SLC14A2: variants seen among roughly 807,000 people sequenced by gnomAD.
SLC14A2 encodes the protein solute carrier family 14 member 2.
In SLC14A2, 91 loss-of-function variants were observed where a neutral mutation model predicts 104.6. The ratio of observed to expected loss-of-function variants is 0.87; its 90% CI spans 0.73 to 1.04. SLC14A2 has a LOEUF of 1.04. Among genes scored for constraint, SLC14A2 ranks in the 50% least tolerant of loss-of-function variants. The probability of loss-of-function intolerance (pLI) is 0.00; values close to 1 mark genes in which losing one functional copy is unlikely to be tolerated. For missense variants in SLC14A2, 1,189 were observed against 1,156.0 expected (o/e 1.03, Z -0.41); for synonymous variants, 476 against 466.4 (o/e 1.02, Z -0.27).
chr18:45,255,096 T>C (rs377059448), intron 1 of SLC14A2, among the ~76,000 whole-genome samples: 1 of 152,174 alleles, frequency 6.6e-6, no homozygotes, highest in East Asian at 1.9e-4. Context: ...TTCCATTTCC[T>C]GCTTCTTTCC....
intron 2 of SLC14A2, among the ~76,000 whole-genome samples, chr18:45,586,356 G>GGAGGA (rs1330723284): frequency 1.3e-5 from 2 of 152,168 alleles, no homozygotes; most frequent in Non-Finnish European, 2.9e-5. Flanking sequence ...GAGGAGTGGG[G>GGAGGA]GAGGAGAGGA....
chr18:45,205,086 C>T, the SLC14A2 span, among the ~76,000 whole-genome samples: 1 of 152,170 alleles, frequency 6.6e-6, no homozygotes, highest in African/African-American at 2.4e-5. Context: ...TTGGAGCTTC[C>T]ACTTGGTGCT....
intron 1 of SLC14A2, among the ~76,000 whole-genome samples, chr18:45,249,167 G>T (rs939474651): frequency 1.3e-5 from 2 of 152,010 alleles, no homozygotes; most frequent in African/African-American, 4.8e-5. Context: ...ATTTATAAGC[G>T]TGTTTGCCTC....
intron 2 of SLC14A2, among the ~76,000 whole-genome samples, chr18:45,581,612 A>G (rs140873063): frequency 6.6e-5 from 10 of 152,304 alleles, no homozygotes; most frequent in African/African-American, 9.6e-5. Flanking sequence ...TAAGTGGTGT[A>G]TCTCCTCCGA....
chr18:45,569,969 C>G (rs988580525), intron 2 of SLC14A2, among the ~76,000 whole-genome samples: 5 of 152,200 alleles, frequency 3.3e-5, no homozygotes, highest in African/African-American at 9.7e-5. Flanking sequence ...TCCCTTGACT[C>G]TCATCATTGT....
chr18:45,472,731 T>C (rs974889295), intron 1 of SLC14A2, among the ~76,000 whole-genome samples: 1 of 152,222 alleles, frequency 6.6e-6, no homozygotes, highest in African/African-American at 2.4e-5. Flanking sequence ...TTGTGTGTTT[T>C]TTTCTTCTTA....
At chr18:45,180,757 T>C in the SLC14A2 span, among the ~76,000 whole-genome samples, 1 of 152,158 alleles carries the variant, frequency 6.6e-6, no homozygotes, top group African/African-American at 2.4e-5. Context: ...CTTAGTGAAA[T>C]GATATTTTTG....
intron 1 of SLC14A2, among the ~76,000 whole-genome samples, chr18:45,214,914 T>TAAAAAAAAAAAA (rs11332986): frequency 2.6e-5 from 3 of 113,900 alleles, no homozygotes; most frequent in Non-Finnish European, 3.6e-5. Context: ...ACCATGTCTT[T>TAAAAAAAAAAAA]AAAAAAAAAA....
At chr18:45,467,999 A>G (rs1164348834) in intron 1 of SLC14A2, among the ~76,000 whole-genome samples, 2 of 152,114 alleles carry the variant, frequency 1.3e-5, no homozygotes, top group African/African-American at 2.4e-5. Context: ...CTGTATTCCC[A>G]GAGAATCAAG....
At chr18:45,651,694 G>A (rs945859999) in intron 10 of SLC14A2, among the ~76,000 whole-genome samples, 2 of 152,114 alleles carry the variant, frequency 1.3e-5, no homozygotes, top group South Asian at 2.1e-4. Context: ...AATTCCCAAC[G>A]TTCTGTGATT....
At chr18:45,628,764 T>G (rs1463546069) in intron 4 of SLC14A2, among the ~76,000 whole-genome samples, 2 of 152,168 alleles carry the variant, frequency 1.3e-5, no homozygotes, top group Non-Finnish European at 2.9e-5. Context: ...AATTTTTGTT[T>G]CATTTATGTT....
chr18:45,601,804 G>C (rs1319859070), intron 2 of SLC14A2, among the ~76,000 whole-genome samples: 1 of 152,214 alleles, frequency 6.6e-6, no homozygotes, highest in Non-Finnish European at 1.5e-5. Context: ...CAACACCATG[G>C]TGATCCTCAA....
intron 1 of SLC14A2, among the ~76,000 whole-genome samples, chr18:45,297,444 T>C (rs990830590): frequency 1.3e-5 from 2 of 152,206 alleles, no homozygotes; most frequent in African/African-American, 4.8e-5. Context: ...TAAGAACTAA[T>C]GCAGATGAGA....
chr18:45,307,888 G>A (rs2085039728), intron 1 of SLC14A2, among the ~76,000 whole-genome samples: 1 of 152,210 alleles, frequency 6.6e-6, no homozygotes. Context: ...CTGGCTTATG[G>A]TTCTGCAAGC....
intron 1 of SLC14A2, among the ~76,000 whole-genome samples, chr18:45,426,038 T>A (rs547121982): frequency 5.9e-5 from 9 of 152,152 alleles, no homozygotes; most frequent in Admixed American, 5.2e-4. Flanking sequence ...AGAGAGCAAG[T>A]CCCTGGGAGC....
intron 8 of SLC14A2, among the ~76,000 whole-genome samples, chr18:45,641,720 C>T (rs2045531551): frequency 6.6e-6 from 1 of 152,176 alleles, no homozygotes; most frequent in Non-Finnish European, 1.5e-5. Context: ...TGACTACATC[C>T]TCATGAAGCC....
In SLC14A2 at chr18:45,667,105, A is replaced by G. The variant is rs377203408; in HGVS notation, c.1717+11A>G. The G allele has an allele frequency of 5.0e-6, 8 of 1,610,470 alleles. No homozygotes were observed. The highest frequency in any genetic ancestry group is 6.8e-6 in the Non-Finnish European group (8 of 1,178,058). On this transcript the variant is annotated intron_variant, in intron 13 of 19. Coordinates refer to ENST00000255226, the MANE Select transcript of SLC14A2 (RefSeq NM_007163.4). ...GAGAGGGACTTAAAGGTAAAATTCT[A>G]TGAGAACAACACTGACCCTGACCCT...
In SLC14A2 at chr18:45,632,375, G is replaced by A. The variant is rs1318119535; in HGVS notation, c.547G>A (p.Gly183Arg). 1.2e-6 allele frequency: 2 copies of A among 1,613,608 alleles called. No homozygotes were observed. The highest frequency in any genetic ancestry group is 2.2e-5 in the South Asian group (2 of 91,016). ...DRSAIASGLHGYNGMLVGLLM... is the reference protein window; with the variant it reads ...DRSAIASGLHRYNGMLVGLLM... ...GTCTGCCATTGCCTCAGGACTCCATGGGTACAACGGGATGCTGGTGGGACT... is the reference window on the plus strand; with the variant it reads ...GTCTGCCATTGCCTCAGGACTCCATAGGTACAACGGGATGCTGGTGGGACT... The change falls in exon 5 of 20, where the codon GGG becomes AGG. Residue 183 changes from glycine (G) to arginine (R), a missense_variant. Transcript: ENST00000255226.
chr18:45,346,831 G>A (rs961005497), intron 1 of SLC14A2, among the ~76,000 whole-genome samples: 4 of 151,614 alleles, frequency 2.6e-5, no homozygotes, highest in Admixed American at 6.6e-5. Flanking sequence ...GCGTGGTGGC[G>A]GGCACCTGTA....
Sources: gnomAD v4.1 joint callset for allele counts (sites outside exome capture counted in the v4.1 genomes callset) on GRCh38, gnomAD v4.1.1 for gene constraint, MANE v1.5 for transcripts, NCBI Gene and HGNC (gene_info 2026-07-23, HGNC 2026-07-21) for gene names.